AMACR: variants seen among roughly 807,000 people sequenced by gnomAD.
AMACR encodes the protein 2-methylacyl-CoA racemase.
A neutral mutation model predicts 22.2 loss-of-function variants in AMACR; 18 were observed. The ratio of observed to expected loss-of-function variants is 0.81; its 90% confidence interval spans 0.56 to 1.20. The LOEUF (loss-of-function observed/expected upper bound fraction) is 1.20. Among genes scored for constraint, AMACR ranks in the 50% most tolerant of loss-of-function variants. The pLI, the probability that AMACR is intolerant of heterozygous loss-of-function variation, is 0.00. For missense variants in AMACR, 499 were observed against 490.6 expected (o/e 1.02, Z -0.16); for synonymous variants, 213 against 191.3 (o/e 1.11, Z -0.94).
chr5:34,004,470 A>C, intron 3 of AMACR, 104 bp downstream of exon 3: 3 of 1,490,244 alleles, frequency 2.0e-6, no homozygotes, highest in Non-Finnish European at 2.8e-6. Context: ...TTGAAACTTC[A>C]AATGTCATTT....
At chr5:33,990,835 T>A (rs1347915014) in intron 4 of AMACR, among the ~76,000 whole-genome samples, 1 of 152,238 alleles carries the variant, frequency 6.6e-6, no homozygotes, top group Non-Finnish European at 1.5e-5. Context: ...TAGGAAGAAC[T>A]AACACAGTTC....
At chr5:33,990,131 C>G (rs1753431064) in intron 4 of AMACR, among the ~76,000 whole-genome samples, 3 of 152,104 alleles carry the variant, frequency 2.0e-5, no homozygotes, top group Admixed American at 1.3e-4. Context: ...CACAGCAAGA[C>G]CCCCATCATC....
In AMACR at chr5:33,998,910, A is replaced by T. The variant is rs115017057; in HGVS notation, c.553-83T>A. The stretch of plus-strand genomic sequence containing the variant: ...AATTCCTCCCATTCAAGTTAAAAAA[A>T]ATTTGCGTAAAAATTCTTATCTTAG... On this transcript the variant is annotated intron_variant, in intron 3 of 4. Coordinates refer to ENST00000335606, the MANE Select transcript of AMACR (RefSeq NM_014324.6). 4.0e-4 allele frequency: 541 copies of T among 1,362,936 alleles called. 1 individual carries two copies. The African/African-American group carries it at 6.6e-3, about 17-fold the overall frequency. The allele number at this position is 1,362,936 out of a possible 1,614,324, so 84.4% of individuals were successfully genotyped here. A position where few individuals can be genotyped will look rare whatever the true frequency, so the allele number is the denominator to read the frequency against.
At chr5:33,999,803 G>C (rs1753757164) in intron 3 of AMACR, among the ~76,000 whole-genome samples, 1 of 152,136 alleles carries the variant, frequency 6.6e-6, no homozygotes, top group African/African-American at 2.4e-5. Context: ...ACGCACATCT[G>C]AATTTATGGC....
At chr5:34,001,613 C>T (rs528412640) in intron 3 of AMACR, among the ~76,000 whole-genome samples, 7 of 152,294 alleles carry the variant, frequency 4.6e-5, no homozygotes, top group East Asian at 1.9e-4. Flanking sequence ...AATTTAACAA[C>T]GCTGTGCTCA....
At position 33,986,297 on chromosome 5, in the gene AMACR, G is replaced by A. The variant is rs1245413676; in HGVS notation, c.*2796C>T. 6.6e-6 allele frequency: 1 copy of A among 152,184 alleles called. No individual in the cohort carries two copies. Among genetic ancestry groups the A allele is most frequent in the Non-Finnish European group, 1.5e-5 (1 of 68,038 alleles). 9.4% of individuals were successfully genotyped at this position (152,184 alleles called of 1,614,324 possible). A position where few individuals can be genotyped will look rare whatever the true frequency, so the allele number is the denominator to read the frequency against. Reference sequence around the variant, plus strand: ...CACCCTTCTTCAAATCATTAGCTGTGTCAGATCGCCCTGATATTTCTCCTC... The same window carrying A: ...CACCCTTCTTCAAATCATTAGCTGTATCAGATCGCCCTGATATTTCTCCTC... On this transcript the variant is annotated 3_prime_UTR_variant, in exon 5 of 5. Transcript: ENST00000335606.
At chr5:33,991,726 TTTATTA>T (rs60157743) in intron 4 of AMACR, among the ~76,000 whole-genome samples, 5 of 145,192 alleles carry the variant, frequency 3.4e-5, no homozygotes, top group African/African-American at 5.1e-5. Flanking sequence ...TAAACACTAT[TTTATTA>T]TTATTATTAT....
Position 33,988,549 on chromosome 5 carries a change from A to G in AMACR, c.*544T>C, listed in dbSNP as rs1416595810. The G allele has an allele frequency of 1.4e-6, 2 of 1,381,358 alleles. No individual in the cohort carries two copies. Among genetic ancestry groups the G allele is most frequent in the Admixed American group, 3.1e-5 (1 of 32,588 alleles). The allele number at this position is 1,381,358 out of a possible 1,614,324, so 85.6% of individuals were successfully genotyped here. A position where few individuals can be genotyped will look rare whatever the true frequency, so the allele number is the denominator to read the frequency against. ...TTTCAGTTGAAGGCATTCTGATTCAATACAGGTGAAACTTTTCTTTGCAAA... is the reference window on the plus strand; with the variant it reads ...TTTCAGTTGAAGGCATTCTGATTCAGTACAGGTGAAACTTTTCTTTGCAAA... On this transcript the variant is annotated 3_prime_UTR_variant, in exon 5 of 5. Transcript: ENST00000335606.
In AMACR at chr5:33,989,259, G is replaced by A; in HGVS notation, c.983C>T (p.Ala328Val). The A allele has an allele frequency of 6.2e-7, 1 of 1,614,166 alleles. No homozygotes were observed. The highest frequency in any genetic ancestry group is 1.1e-5 in the South Asian group (1 of 91,082). ...SEEQDVSPRP[A>V]PLLLNTPAIP... ...GGCTGGGGTGTTTAACAGCAGAGGT[G>A]CAGGGCGGGGGCTCACGTCCTGCTC... Residue 328 changes from alanine to valine, a missense_variant, in exon 5 of 5, where the codon GCA becomes GTA. Transcript: ENST00000335606.
intron 4 of AMACR, among the ~76,000 whole-genome samples, chr5:33,990,768 G>A (rs1753448657): frequency 6.6e-6 from 1 of 152,206 alleles, no homozygotes; most frequent in South Asian, 2.1e-4. Flanking sequence ...TCCCTATAGA[G>A]GTAAGAAGAC....
At chr5:33,999,951 T>C (rs1187398291) in intron 3 of AMACR, among the ~76,000 whole-genome samples, 1 of 152,214 alleles carries the variant, frequency 6.6e-6, no homozygotes, top group African/African-American at 2.4e-5. Flanking sequence ...CACATATGCA[T>C]GTATATGCGC....
In AMACR at chr5:33,988,048, T is replaced by C. The variant is rs1753348791; in HGVS notation, c.*1045A>G. 4 of 301,608 alleles carry C rather than the reference T, an allele frequency of 1.3e-5. No homozygotes were observed. Among genetic ancestry groups the C allele is most frequent in the African/African-American group, 4.3e-5 (2 of 46,586 alleles). The allele number at this position is 301,608 out of a possible 1,614,324, so 18.7% of individuals were successfully genotyped here. A position where few individuals can be genotyped will look rare whatever the true frequency, so the allele number is the denominator to read the frequency against. ...GATTGTTGAACGGCAGTTGAGATAC[T>C]GCGCAGAATGGACCTTATTGATGGC... On this transcript the variant is annotated 3_prime_UTR_variant, in exon 5 of 5. Transcript: ENST00000335606.
intron 1 of AMACR, 122 bp downstream of exon 1, chr5:34,007,651 G>C (rs1754024786): frequency 7.3e-7 from 1 of 1,367,064 alleles, no homozygotes; most frequent in African/African-American, 1.5e-5. Flanking sequence ...TGGAAGGCTG[G>C]GGCCGACAAG....
intron 4 of AMACR, chr5:33,996,860 C>T (rs895078839): frequency 3.3e-5 from 11 of 336,190 alleles, no homozygotes; most frequent in African/African-American, 1.7e-4. Flanking sequence ...CAGCTGACTT[C>T]GGTGGCTGCA....
intron 4 of AMACR, among the ~76,000 whole-genome samples, chr5:33,994,273 G>A (rs957555578): frequency 4.6e-5 from 7 of 152,090 alleles, no homozygotes; most frequent in East Asian, 1.9e-4. Context: ...TCTGCCTCCC[G>A]GTTCAAGTGA....
In AMACR at chr5:33,998,239, C is replaced by T. The variant is rs142146617; in HGVS notation, c.739+402G>A. On this transcript the variant is annotated intron_variant, in intron 4 of 4. Coordinates refer to ENST00000335606, the MANE Select transcript of AMACR (RefSeq NM_014324.6). ...AAATCTTTCCATGCTCTGGTGACTT[C>T]TGACATTGAAGTGCCATAAGGGACA... is the stretch of plus-strand genomic sequence containing the variant. Among the ~76,000 whole-genome samples, 180 of 152,288 alleles carry T rather than the reference C, an allele frequency of 1.2e-3. 1 individual carries two copies. The highest frequency in any genetic ancestry group is 4.2e-3 in the African/African-American group (175 of 41,552).
chr5:33,998,942 C>A, intron 3 of AMACR, 115 bp from the exon 4 acceptor site: 1 of 919,184 alleles, frequency 1.1e-6, no homozygotes, highest in Non-Finnish European at 1.7e-6. Context: ...TTAGAGTATA[C>A]GAAGATTCTA....
intron 3 of AMACR, among the ~76,000 whole-genome samples, chr5:34,000,238 C>T (rs748784083): frequency 6.6e-6 from 1 of 152,200 alleles, no homozygotes; most frequent in Non-Finnish European, 1.5e-5. Context: ...CTGCTTTCCG[C>T]TCAAGCTTTA....
intron 4 of AMACR, among the ~76,000 whole-genome samples, chr5:33,991,546 T>C (rs1753474002): frequency 6.6e-6 from 1 of 152,058 alleles, no homozygotes; most frequent in South Asian, 2.1e-4. Flanking sequence ...GGAAAGCATG[T>C]TTTGATTCCA....
Sources: allele counts gnomAD v4.1 joint callset (sites outside exome capture counted in the v4.1 genomes callset), GRCh38; gene constraint gnomAD v4.1.1; transcripts MANE v1.5; gene names NCBI Gene and HGNC (gene_info 2026-07-23, HGNC 2026-07-21).